TANC1: variants seen among roughly 807,000 people sequenced by gnomAD.
The protein encoded by TANC1 is tetratricopeptide repeat, ankyrin repeat and coiled-coil containing 1.
A neutral mutation model predicts 149.7 loss-of-function variants in TANC1; 77 were observed. The ratio of observed to expected loss-of-function variants is 0.51; its 90% CI spans 0.43 to 0.62. The LOEUF is 0.62. TANC1 is among the 20% of genes least tolerant of loss of function. The probability of loss-of-function intolerance (pLI) is 0.00; values close to 1 mark genes in which losing one functional copy is unlikely to be tolerated. For missense variants in TANC1, 1,985 were observed against 2,321.8 expected, an observed-to-expected ratio of 0.85 and a Z score of 2.98; for synonymous variants, 854 against 925.0, an observed-to-expected ratio of 0.92 and a Z score of 1.39.
intron 5 of TANC1, among the ~76,000 whole-genome samples, chr2:159,141,185 A>G (rs998076361): frequency 3.9e-5 from 6 of 152,204 alleles, no homozygotes; most frequent in Admixed American, 3.9e-4. Context: ...GGGTCTGGCA[A>G]AGGCCTACTT....
intron 19 of TANC1, among the ~76,000 whole-genome samples, chr2:159,204,610 G>A (rs908963669): frequency 6.6e-6 from 1 of 152,190 alleles, no homozygotes; most frequent in African/African-American, 2.4e-5. Flanking sequence ...AAGGTCGCCA[G>A]CACACCCAGA....
chr2:158,997,820 C>A (rs1451953774), intron 1 of TANC1, among the ~76,000 whole-genome samples: 1 of 152,126 alleles, frequency 6.6e-6, no homozygotes, highest in African/African-American at 2.4e-5. Context: ...TTTGCAGATA[C>A]CTCCCCGTTC....
At chr2:159,110,501 G>A (rs939533320) in intron 4 of TANC1, among the ~76,000 whole-genome samples, 11 of 152,214 alleles carry the variant, frequency 7.2e-5, no homozygotes, top group Non-Finnish European at 1.3e-4. Flanking sequence ...TTTTGAAAAA[G>A]ATGGGGTTTC....
intron 4 of TANC1, among the ~76,000 whole-genome samples, chr2:159,124,567 A>G (rs2150116564): frequency 6.6e-6 from 1 of 152,238 alleles, no homozygotes; most frequent in South Asian, 2.1e-4. Context: ...CAAACAACAG[A>G]AGAGCCCTGT....
chr2:158,973,483 G>T (rs989573112), intron 1 of TANC1, among the ~76,000 whole-genome samples: 1 of 152,190 alleles, frequency 6.6e-6, no homozygotes, highest in African/African-American at 2.4e-5. Flanking sequence ...AAGATCATAC[G>T]TATACGGCTG....
chr2:159,200,995 A>G (rs1249750984), intron 19 of TANC1, among the ~76,000 whole-genome samples: 1 of 152,050 alleles, frequency 6.6e-6, no homozygotes, highest in Non-Finnish European at 1.5e-5. Flanking sequence ...TCATCAGGCA[A>G]GAGTTTACTT....
At chr2:159,007,575 T>C (rs2037341684) in intron 2 of TANC1, among the ~76,000 whole-genome samples, 1 of 152,252 alleles carries the variant, frequency 6.6e-6, no homozygotes, top group South Asian at 2.1e-4. Flanking sequence ...CAATAGTCTC[T>C]ACCACAGAGC....
chr2:159,003,755 C>A (rs558232008), intron 2 of TANC1, among the ~76,000 whole-genome samples: 12 of 152,136 alleles, frequency 7.9e-5, no homozygotes, highest in Non-Finnish European at 1.3e-4. Context: ...CCGCAGTCGT[C>A]GTCTTTCTCT....
At chr2:159,120,373 T>C (rs2048724886) in intron 4 of TANC1, among the ~76,000 whole-genome samples, 2 of 151,244 alleles carry the variant, frequency 1.3e-5, no homozygotes, top group Admixed American at 1.3e-4. Flanking sequence ...TTTTTTTTAA[T>C]TTTTTTTTAG....
chr2:159,200,892 C>T (rs770144909), intron 19 of TANC1, among the ~76,000 whole-genome samples: 10 of 152,118 alleles, frequency 6.6e-5, no homozygotes, highest in Non-Finnish European at 1.0e-4. Context: ...GTAACTTGGC[C>T]CCTCCCTTCC....
At chr2:159,035,940 C>T (rs2040153966) in intron 2 of TANC1, among the ~76,000 whole-genome samples, 2 of 152,184 alleles carry the variant, frequency 1.3e-5, no homozygotes, top group South Asian at 4.1e-4. Flanking sequence ...TAAGGGTGCA[C>T]ACGCATCTGT....
chr2:158,986,385 T>C (rs995672146), intron 1 of TANC1, among the ~76,000 whole-genome samples: 2 of 152,172 alleles, frequency 1.3e-5, no homozygotes, highest in African/African-American at 4.8e-5. Context: ...CAGTTGGAAA[T>C]GCCCAGTCGG....
chr2:159,036,155 C>T (rs913145820), intron 2 of TANC1, among the ~76,000 whole-genome samples: 1 of 152,132 alleles, frequency 6.6e-6, no homozygotes, highest in African/African-American at 2.4e-5. Context: ...TCCTGGCTGC[C>T]AGGGCCCTCT....
rs144445532 is a variant in TANC1 at position 159,164,742 on chromosome 2, G to T, written c.946+1196G>T. Among the ~76,000 whole-genome samples, 23 of 152,284 alleles carry T rather than the reference G, an allele frequency of 1.5e-4. 1 individual carries two copies. The East Asian group carries it at 4.4e-3, about 29-fold the overall frequency. On this transcript the variant is annotated intron_variant, in intron 8 of 26. Transcript: ENST00000263635. ...TCAGGATGCGGTGGGTCACTCTGGT[G>T]GTTGTTGGGTGTTCTTTTACAATGG... is the stretch of plus-strand genomic sequence containing the variant.
At chr2:159,079,673 G>T (rs1230706032) in intron 3 of TANC1, among the ~76,000 whole-genome samples, 1 of 152,112 alleles carries the variant, frequency 6.6e-6, no homozygotes, top group East Asian at 1.9e-4. Flanking sequence ...AAAGGGAAAG[G>T]GTGGGCGGAG....
At chr2:159,210,164 C>T (rs754361511) in intron 19 of TANC1, among the ~76,000 whole-genome samples, 2 of 152,070 alleles carry the variant, frequency 1.3e-5, no homozygotes, top group Non-Finnish European at 2.9e-5. Flanking sequence ...TTCATACATC[C>T]GTGGGTAATG....
chr2:159,042,193 G>C (rs1424111378), intron 2 of TANC1, among the ~76,000 whole-genome samples: 3 of 152,144 alleles, frequency 2.0e-5, no homozygotes, highest in Non-Finnish European at 4.4e-5. Context: ...TTAGGAGGAG[G>C]AGAGGCCTCC....
At chr2:158,985,072 G>A (rs2034848641) in intron 1 of TANC1, among the ~76,000 whole-genome samples, 2 of 152,156 alleles carry the variant, frequency 1.3e-5, no homozygotes, top group African/African-American at 2.4e-5. Flanking sequence ...GGGGACAGAT[G>A]GGCTGCAGAG....
chr2:159,039,299 G>A (rs1482860018), intron 2 of TANC1, among the ~76,000 whole-genome samples: 1 of 151,962 alleles, frequency 6.6e-6, no homozygotes, highest in Non-Finnish European at 1.5e-5. Context: ...AACAGCTCCT[G>A]GATTCATTAT....
Sources: allele counts gnomAD v4.1 joint callset (sites outside exome capture counted in the v4.1 genomes callset), GRCh38; gene constraint gnomAD v4.1.1; transcripts MANE v1.5; gene names NCBI Gene and HGNC (gene_info 2026-07-23, HGNC 2026-07-21).